TRIM17: variants seen among roughly 807,000 people sequenced by gnomAD.
The protein encoded by TRIM17 is tripartite motif containing 17.
Under a neutral mutation model 35.8 loss-of-function variants are expected in TRIM17, and 27 were observed. The observed-to-expected ratio is 0.75, with a 90% CI of 0.56 to 1.04. The LOEUF (loss-of-function observed/expected upper bound fraction) is 1.04. Among genes scored for constraint, TRIM17 ranks in the 50% least tolerant of loss-of-function variants. The pLI, the probability that TRIM17 is intolerant of heterozygous loss-of-function variation, is 0.00. For missense variants in TRIM17, 582 were observed against 612.8 expected (o/e 0.95, Z 0.53); for synonymous variants, 246 against 252.6 (o/e 0.97, Z 0.25).
chr1:228,416,270 C>A, intron 1 of TRIM17: 1 of 939,738 alleles, frequency 1.1e-6, no homozygotes, highest in Non-Finnish European at 1.3e-6. Context: ...CGGAGGCACC[C>A]AGCCCACCCT....
Position 228,411,096 on chromosome 1 carries a change from C to G in TRIM17, c.606G>C (p.Arg202Ser). The change falls in exon 4 of 7, where the codon AGG becomes AGC. Residue 202 changes from arginine to serine, a missense_variant. By Grantham distance (110) the Arg-to-Ser change is moderately radical (BLOSUM62 -1). Transcript: ENST00000366698. The surrounding 1 kb of genome is among the most constrained non-coding windows in gnomAD (Gnocchi z 4.2). ...CTTCCGTCTCCAGAGCCTGGAGGAG[C>G]CTCTGCTCTTCTTCCACCAGGTAGA... Reference protein sequence around the residue: ...MNLYLVEEEQRLLQALETEEE... With the variant: ...MNLYLVEEEQSLLQALETEEE... 6.2e-7 allele frequency: 1 copy of G among 1,614,156 alleles called. No individual in the cohort carries two copies. Among genetic ancestry groups the G allele is most frequent in the Non-Finnish European group, 8.5e-7 (1 of 1,180,014 alleles).
chr1:228,408,923 G>A lies in TRIM17; in HGVS notation c.884-172C>T. 1 of 1,486,600 alleles carries A rather than the reference G, an allele frequency of 6.7e-7. No homozygotes were observed. Among genetic ancestry groups the A allele is most frequent in the Non-Finnish European group, 9.0e-7 (1 of 1,114,560 alleles). 92.1% of individuals were successfully genotyped at this position (1,486,600 alleles called of 1,614,324 possible). The stretch of plus-strand genomic sequence containing the variant: ...TGATGCTTCCACACACCAATTGTGT[G>A]TGGGCCTTGGTGGCAATAAGGTACA... On this transcript the variant is annotated intron_variant, in intron 6 of 6. Transcript: ENST00000366698. This position sits in a 1 kb window ranked among gnomAD's most constrained non-coding sequence, Gnocchi z 6.3.
At chr1:228,413,937 T>G (rs472594) in intron 2 of TRIM17, 45 bp from the exon 3 acceptor site, 1 of 1,513,662 alleles carries the variant, frequency 6.6e-7, no homozygotes, top group African/African-American at 1.4e-5. Context: ...GCGATCCCCC[T>G]ACCTCCTGCC....
chr1:228,416,785 G>A lies in TRIM17; in HGVS notation c.-288C>T. 1.0e-6 allele frequency: 1 copy of A among 984,614 alleles called. No individual in the cohort carries two copies. Among genetic ancestry groups the A allele is most frequent in the Non-Finnish European group, 1.2e-6 (1 of 829,506 alleles). The allele number at this position is 984,614 out of a possible 1,614,324, so 61.0% of individuals were successfully genotyped here. A position where few individuals can be genotyped will look rare whatever the true frequency, so the allele number is the denominator to read the frequency against. ...GGCGGCGCCTCTTAGGAGAGGTTGG[G>A]GGTGGCTTGGGGAAGGAAGGCGGCA... On this transcript the variant is annotated 5_prime_UTR_variant, in exon 1 of 7. Transcript: ENST00000366698.
chr1:228,413,936 C>T (rs760251398), intron 2 of TRIM17, 44 bp from the exon 3 acceptor site: 2 of 1,513,822 alleles, frequency 1.3e-6, no homozygotes, highest in Non-Finnish European at 1.8e-6. Context: ...AGCGATCCCC[C>T]TACCTCCTGC....
chr1:228,416,596 G>A lies in TRIM17; in HGVS notation c.-99C>T, dbSNP rs1021192930. On this transcript the variant is annotated 5_prime_UTR_variant, in exon 1 of 7. Transcript: ENST00000366698. Reference sequence around the variant, plus strand: ...GCACCTGGCCGAGCGCTCGCTGCCGGGAAAGGCTGGGTCTGCCCCCACGAA... The same window carrying A: ...GCACCTGGCCGAGCGCTCGCTGCCGAGAAAGGCTGGGTCTGCCCCCACGAA... 8 of 985,554 alleles carry A rather than the reference G, an allele frequency of 8.1e-6. No individual in the cohort carries two copies. The highest frequency in any genetic ancestry group is 7.2e-6 in the Non-Finnish European group (6 of 830,258). The allele number at this position is 985,554 out of a possible 1,614,324, so 61.1% of individuals were successfully genotyped here.
chr1:228,414,689 C>T lies in TRIM17; in HGVS notation c.384G>A (p.Arg128=). 3 of 1,611,936 alleles carry T rather than the reference C, an allele frequency of 1.9e-6. No homozygotes were observed. Among genetic ancestry groups the T allele is most frequent in the Non-Finnish European group, 2.5e-6 (3 of 1,180,028 alleles). Residue 128 remains arginine, a synonymous_variant, in exon 2 of 7, where the codon CGG becomes CGA. Coordinates refer to ENST00000366698, the MANE Select transcript of TRIM17 (RefSeq NM_016102.4). The stretch of plus-strand genomic sequence containing the variant: ...CCTCGGCGGGCAGCACCCTGTGCAG[C>T]CGGTGCTCCCGGGACTCCCTGCACA... ...CVVCRESREH[R]LHRVLPAEEA... is the part of the protein sequence containing the mutation.
chr1:228,410,861 G>T lies in TRIM17; in HGVS notation c.756+85C>A, dbSNP rs1420894286. The T allele has an allele frequency of 3.0e-6, 3 of 1,001,806 alleles. No individual in the cohort carries two copies. The highest frequency in any genetic ancestry group is 3.3e-5 in the African/African-American group (2 of 61,164). 62.1% of individuals were successfully genotyped at this position (1,001,806 alleles called of 1,614,324 possible). A position where few individuals can be genotyped will look rare whatever the true frequency, so the allele number is the denominator to read the frequency against. ...GGGAGCTAACAGCCCTTTCCCGTTG[G>T]CTGCCTCTTCCCCAAGCCCAGCGCC... On this transcript the variant is annotated intron_variant, in intron 4 of 6. Transcript: ENST00000366698. The surrounding 1 kb of genome is among the most constrained non-coding windows in gnomAD (Gnocchi z 4.6).
intron 2 of TRIM17, 50 bp from the exon 3 acceptor site, chr1:228,413,942 CCTGCCTA>C: frequency 6.7e-7 from 1 of 1,497,772 alleles, no homozygotes; most frequent in Non-Finnish European, 9.3e-7. Flanking sequence ...CCCCCTACCT[CCTGCCTA>C]GAGTCCAGTT....
Position 228,408,825 on chromosome 1 carries a change from G to GCCCACAT in TRIM17, c.884-75_884-74insATGTGGG. The GCCCACAT allele has an allele frequency of 6.5e-7, 1 of 1,537,186 alleles. No homozygotes were observed. The highest frequency in any genetic ancestry group is 8.7e-7 in the Non-Finnish European group (1 of 1,147,994). On this transcript the variant is annotated intron_variant, in intron 6 of 6. Transcript: ENST00000366698. This position sits in a 1 kb window ranked among gnomAD's most constrained non-coding sequence, Gnocchi z 6.3. Reference sequence around the variant, plus strand: ...CAGGGTCAAAGGTGGGAGTCCCCGGGCCCTAGTGGTGGATGTGGCCAATGG... The same window carrying GCCCACAT: ...CAGGGTCAAAGGTGGGAGTCCCCGGGCCCACATCCCTAGTGGTGGATGTGGCCAATGG...
At chr1:228,412,635 T>C (rs1212424737) in intron 3 of TRIM17, among the ~76,000 whole-genome samples, 5 of 129,770 alleles carry the variant, frequency 3.9e-5, no homozygotes, top group Non-Finnish European at 6.4e-5. Context: ...CTGGTCTTGG[T>C]GGCAAGTGCC....
chr1:228,409,476 C>T, intron 4 of TRIM17, 65 bp from the exon 5 acceptor site: 3 of 1,437,582 alleles, frequency 2.1e-6, no homozygotes, highest in East Asian at 5.0e-5. Context: ...AATGTCCCTG[C>T]TCCCTTCTTG....
At chr1:228,414,363 T>A (rs1656962385) in intron 2 of TRIM17, among the ~76,000 whole-genome samples, 1 of 152,220 alleles carries the variant, frequency 6.6e-6, no homozygotes, top group Non-Finnish European at 1.5e-5. Flanking sequence ...TGCTTCTGCT[T>A]ATCTGTCTCA....
intron 2 of TRIM17, among the ~76,000 whole-genome samples, chr1:228,414,190 G>A (rs769751748): frequency 2.0e-5 from 3 of 152,178 alleles, no homozygotes; most frequent in African/African-American, 4.8e-5. Context: ...TACCAAGGGC[G>A]GGAAAGCCGA....
Position 228,416,702 on chromosome 1 carries a change from TGGGGGGCGGCGGGGGA to T in TRIM17, c.-221_-206del. The T allele has an allele frequency of 2.2e-5, 1 of 46,486 alleles. No homozygotes were observed. Among genetic ancestry groups the T allele is most frequent in the Non-Finnish European group, 2.5e-5 (1 of 40,574 alleles). The allele number at this position is 46,486 out of a possible 1,614,324, so 2.9% of individuals were successfully genotyped here. ...GGGACTTTGTGGCGTCAGCGGGGGC[TGGGGGGCGGCGGGGGA>T]GGGGAATGCTGGGCGAGGGAGTGTT... is the stretch of plus-strand genomic sequence containing the variant. On this transcript the variant is annotated 5_prime_UTR_variant, in exon 1 of 7. Coordinates refer to ENST00000366698, the MANE Select transcript of TRIM17 (RefSeq NM_016102.4).
intron 3 of TRIM17, among the ~76,000 whole-genome samples, chr1:228,413,485 C>T (rs1421443298): frequency 6.6e-6 from 1 of 152,074 alleles, no homozygotes. Flanking sequence ...AGCCCCCGCC[C>T]TCTGGCTGCC....
chr1:228,412,190 A>G (rs1656817702), intron 3 of TRIM17, among the ~76,000 whole-genome samples: 1 of 152,170 alleles, frequency 6.6e-6, no homozygotes, highest in African/African-American at 2.4e-5. Context: ...AGCTGAAACC[A>G]GTTGAGACCA....
chr1:228,416,548 G>C lies in TRIM17; in HGVS notation c.-51C>G. ...GGTGGGGGCTACTCACCGCGGGGAAGGGGGGCCCGCACAGCGCCTAGTGCA... is the reference window on the plus strand; with the variant it reads ...GGTGGGGGCTACTCACCGCGGGGAACGGGGGCCCGCACAGCGCCTAGTGCA... On this transcript the variant is annotated 5_prime_UTR_variant, in exon 1 of 7. Coordinates refer to ENST00000366698, the MANE Select transcript of TRIM17 (RefSeq NM_016102.4). 1 of 985,472 alleles carries C rather than the reference G, an allele frequency of 1.0e-6. No individual in the cohort carries two copies. Among genetic ancestry groups the C allele is most frequent in the African/African-American group, 1.7e-5 (1 of 57,288 alleles). 61.0% of individuals were successfully genotyped at this position (985,472 alleles called of 1,614,324 possible).
Position 228,409,417 on chromosome 1 carries a change from A to T in TRIM17, c.757-6T>A. The T allele has an allele frequency of 6.5e-7, 1 of 1,528,084 alleles. No homozygotes were observed. Among genetic ancestry groups the T allele is most frequent in the East Asian group, 2.3e-5 (1 of 43,204 alleles). The allele number at this position is 1,528,084 out of a possible 1,614,324, so 94.7% of individuals were successfully genotyped here. A position where few individuals can be genotyped will look rare whatever the true frequency, so the allele number is the denominator to read the frequency against. ...CTCAGGGGTTCCTTCATGTCCTGCA[A>T]AAGACAGGGACGGAGGGTGGGGAGT... is the stretch of plus-strand genomic sequence containing the variant. On this transcript the variant is annotated splice_region_variant and splice_polypyrimidine_tract_variant and intron_variant, in intron 4 of 6. Transcript: ENST00000366698.
Sources: allele counts gnomAD v4.1 joint callset (sites outside exome capture counted in the v4.1 genomes callset), GRCh38; gene constraint gnomAD v4.1.1; non-coding constraint Gnocchi (gnomAD v3.1); transcripts MANE v1.5; gene names NCBI Gene and HGNC (gene_info 2026-07-23, HGNC 2026-07-21).